Variants in DPH7 observed in about 807,000 individuals in gnomAD.
DPH7 encodes the protein diphthine methyltransferase.
DPH7 carries 44 observed loss-of-function variants against 41.7 expected under a neutral mutation model. That is an observed-to-expected ratio of 1.05 (90% CI 0.83 to 1.36). The LOEUF is 1.36. Among genes scored for constraint, DPH7 ranks in the 40% most tolerant of loss-of-function variants. The pLI, the probability that DPH7 is intolerant of heterozygous loss-of-function variation, is 0.00. For missense variants in DPH7, 629 were observed against 577.5 expected (o/e 1.09, Z -0.91); for synonymous variants, 275 against 238.0 (o/e 1.16, Z -1.43).
intron 8 of DPH7, among the ~76,000 whole-genome samples, chr9:137,563,098 T>C (rs544971200): frequency 1.3e-5 from 2 of 152,168 alleles, no homozygotes; most frequent in South Asian, 2.1e-4. Context: ...TGAGCTACAA[T>C]TGCACCACCA....
chr9:137,557,236 G>C (rs542443572), intron 8 of DPH7, among the ~76,000 whole-genome samples: 2 of 152,302 alleles, frequency 1.3e-5, no homozygotes, highest in East Asian at 3.9e-4. Flanking sequence ...GGCCGGGCGC[G>C]GTGGCTCACA....
chr9:137,558,385 C>T (rs843968), intron 8 of DPH7, among the ~76,000 whole-genome samples: 2,148 of 152,188 alleles, frequency 0.014, 47 homozygotes, highest in African/African-American at 0.048. Context: ...TGACAGGACA[C>T]AAGACCCTCT....
chr9:137,557,192 C>A (rs1837661341), intron 8 of DPH7, among the ~76,000 whole-genome samples: 1 of 152,340 alleles, frequency 6.6e-6, no homozygotes, highest in East Asian at 1.9e-4. Flanking sequence ...GTGTCAGCCA[C>A]CGCACCCAGA....
intron 3 of DPH7, 191 bp downstream of exon 3, chr9:137,575,889 C>A (rs1048050548): frequency 1.4e-5 from 19 of 1,402,468 alleles, no homozygotes; most frequent in Non-Finnish European, 1.6e-5. Flanking sequence ...CATGAGGTGA[C>A]TTCCTCTTGG....
At chr9:137,558,074 T>C (rs563835478) in intron 8 of DPH7, among the ~76,000 whole-genome samples, 25 of 151,974 alleles carry the variant, frequency 1.6e-4, no homozygotes, top group Non-Finnish European at 3.4e-4. Flanking sequence ...AGGTGGGAGT[T>C]GCAGTGAGCT....
At chr9:137,561,652 T>C (rs1266343279) in intron 8 of DPH7, among the ~76,000 whole-genome samples, 1 of 151,974 alleles carries the variant, frequency 6.6e-6, no homozygotes, top group Non-Finnish European at 1.5e-5. Context: ...GAAGTGACTT[T>C]ACCAATGCCA....
At chr9:137,564,182 G>A (rs1273268684) in intron 8 of DPH7, among the ~76,000 whole-genome samples, 4 of 152,208 alleles carry the variant, frequency 2.6e-5, no homozygotes, top group Admixed American at 6.5e-5. Context: ...GAGGTCTGCC[G>A]AAATGCAGGA....
intron 8 of DPH7, among the ~76,000 whole-genome samples, chr9:137,557,439 G>C (rs899832467): frequency 2.9e-4 from 44 of 152,260 alleles, no homozygotes; most frequent in African/African-American, 1.1e-3. Context: ...GTGGGAGGTG[G>C]AGGTTGCATG....
At chr9:137,570,608 C>T (rs955749685) in intron 5 of DPH7, among the ~76,000 whole-genome samples, 4 of 152,220 alleles carry the variant, frequency 2.6e-5, no homozygotes, top group African/African-American at 9.6e-5. Context: ...CAACATCCTG[C>T]AACAGCTCCC....
chr9:137,564,965 G>C lies in DPH7; in HGVS notation c.711-7C>G. Reference sequence around the variant, plus strand: ...GCACACACCCATGGTGTGTCTGCAAGCAGAGGCGGCTTCTGAACCAGTGTC... The same window carrying C: ...GCACACACCCATGGTGTGTCTGCAACCAGAGGCGGCTTCTGAACCAGTGTC... On this transcript the variant is annotated splice_region_variant and splice_polypyrimidine_tract_variant and intron_variant, in intron 6 of 8. Coordinates refer to ENST00000277540, the MANE Select transcript of DPH7 (RefSeq NM_138778.5). 3 of 1,594,186 alleles carry C rather than the reference G, an allele frequency of 1.9e-6. No homozygotes were observed. Among genetic ancestry groups the C allele is most frequent in the Non-Finnish European group, 2.6e-6 (3 of 1,170,224 alleles).
intron 8 of DPH7, among the ~76,000 whole-genome samples, chr9:137,560,098 A>G (rs1357597859): frequency 2.6e-5 from 4 of 152,246 alleles, no homozygotes; most frequent in Admixed American, 2.0e-4. Flanking sequence ...TGCCCAACAG[A>G]CAATGCTGGA....
intron 8 of DPH7, among the ~76,000 whole-genome samples, chr9:137,561,146 A>G (rs983521216): frequency 3.3e-5 from 5 of 152,212 alleles, no homozygotes; most frequent in African/African-American, 1.2e-4. Context: ...CACAGGTTCA[A>G]AGATTCTCAC....
intron 8 of DPH7, among the ~76,000 whole-genome samples, chr9:137,562,191 C>A (rs2132922769): frequency 6.6e-6 from 1 of 152,252 alleles, no homozygotes; most frequent in South Asian, 2.1e-4. Context: ...ATTGCCCAGA[C>A]AGGAGATTCA....
At chr9:137,573,382 A>G (rs1840792232) in intron 5 of DPH7, among the ~76,000 whole-genome samples, 1 of 136,350 alleles carries the variant, frequency 7.3e-6, no homozygotes. Context: ...AAAAAAAAAA[A>G]AGAATAGCTA....
chr9:137,577,885 C>T lies in DPH7; in HGVS notation c.154-282G>A, dbSNP rs1220510970. Reference sequence around the variant, plus strand: ...GTTTGCCTGGGACAGTCCTGACTTACGCCTGTTGTTCCAGTGCCCAATTTG... The same window carrying T: ...GTTTGCCTGGGACAGTCCTGACTTATGCCTGTTGTTCCAGTGCCCAATTTG... On this transcript the variant is annotated intron_variant, in intron 1 of 8. Transcript: ENST00000277540. 10 of 854,910 alleles carry T rather than the reference C, an allele frequency of 1.2e-5. No individual in the cohort carries two copies. In the Admixed American group the frequency reaches 2.5e-4, roughly 21 times the overall value. The allele number at this position is 854,910 out of a possible 1,614,324, so 53.0% of individuals were successfully genotyped here. A position where few individuals can be genotyped will look rare whatever the true frequency, so the allele number is the denominator to read the frequency against.
At chr9:137,565,252 T>A in intron 5 of DPH7, 98 bp from the exon 6 acceptor site, 2 of 1,160,116 alleles carry the variant, frequency 1.7e-6, no homozygotes, top group Non-Finnish European at 2.4e-6. Flanking sequence ...CCGGGGTGAC[T>A]GTCTGTGAGG....
chr9:137,570,130 C>T (rs1237419365), intron 5 of DPH7, among the ~76,000 whole-genome samples: 1 of 151,694 alleles, frequency 6.6e-6, no homozygotes, highest in East Asian at 1.9e-4. Context: ...ACCCACCATC[C>T]ACCCACCCAC....
At chr9:137,575,981 G>A (rs1375079672) in intron 3 of DPH7, 99 bp downstream of exon 3, 9 of 1,582,654 alleles carry the variant, frequency 5.7e-6, no homozygotes, top group African/African-American at 2.7e-5. Context: ...CCATTGAAGA[G>A]AGATCGTTTT....
intron 4 of DPH7, 88 bp downstream of exon 4, chr9:137,574,664 G>T: frequency 2.3e-6 from 3 of 1,279,446 alleles, no homozygotes; most frequent in South Asian, 1.3e-5. Flanking sequence ...GTCGCAGCTC[G>T]CTGAAGGTGG....
Sources: gnomAD v4.1 joint callset for allele counts (sites outside exome capture counted in the v4.1 genomes callset) on GRCh38, gnomAD v4.1.1 for gene constraint, MANE v1.5 for transcripts, NCBI Gene and HGNC (gene_info 2026-07-23, HGNC 2026-07-21) for gene names.